PLA2G4A: variants seen among roughly 807,000 people sequenced by gnomAD.
PLA2G4A encodes phospholipase A2 group IVA, also known as cytosolic phospholipase A2.
A neutral mutation model predicts 81.9 loss-of-function variants in PLA2G4A; 40 were observed. The observed-to-expected ratio is 0.49, with a 90% CI of 0.38 to 0.64. The LOEUF (loss-of-function observed/expected upper bound fraction) is 0.64. Ranked by LOEUF, PLA2G4A falls within the 30% of genes least tolerant of loss-of-function variation. PLA2G4A has a pLI of 0.00. For synonymous variants in PLA2G4A, 302 were observed against 296.9 expected, an observed-to-expected ratio of 1.02 and a Z score of -0.18; for missense variants, 715 against 905.1, an observed-to-expected ratio of 0.79 and a Z score of 2.69.
intron 2 of PLA2G4A, among the ~76,000 whole-genome samples, chr1:186,865,459 A>G (rs191951748): frequency 6.6e-6 from 1 of 152,316 alleles, no homozygotes; most frequent in Admixed American, 6.5e-5. Flanking sequence ...GAAAATAAGT[A>G]TCTTACCAAA....
intron 3 of PLA2G4A, among the ~76,000 whole-genome samples, chr1:186,878,509 C>G (rs1003777604): frequency 6.6e-6 from 1 of 151,502 alleles, no homozygotes; most frequent in Non-Finnish European, 1.5e-5. Flanking sequence ...TCCCAATGGT[C>G]TTTTCATGGA....
intron 15 of PLA2G4A, among the ~76,000 whole-genome samples, chr1:186,977,300 T>G (rs889836694): frequency 2.3e-4 from 35 of 152,230 alleles, no homozygotes; most frequent in African/African-American, 7.0e-4. Flanking sequence ...ACCCATAATT[T>G]TTTTTCTCTA....
intron 1 of PLA2G4A, among the ~76,000 whole-genome samples, chr1:186,851,186 C>A (rs1202662530): frequency 6.6e-6 from 1 of 151,970 alleles, no homozygotes; most frequent in East Asian, 1.9e-4. Context: ...AAATAATTGG[C>A]TTTCCTTAAT....
intron 8 of PLA2G4A, 116 bp downstream of exon 8, chr1:186,933,015 A>G (rs529201170): frequency 1.3e-6 from 1 of 791,306 alleles, no homozygotes; most frequent in African/African-American, 1.7e-5. Flanking sequence ...TAAATTACTG[A>G]AACTTTCCAG....
intron 2 of PLA2G4A, among the ~76,000 whole-genome samples, chr1:186,867,545 T>C (rs1653076378): frequency 6.6e-6 from 1 of 152,196 alleles, no homozygotes; most frequent in South Asian, 2.1e-4. Context: ...TGTATTAATC[T>C]TATCTCCTGC....
intron 3 of PLA2G4A, among the ~76,000 whole-genome samples, chr1:186,875,810 C>CGAT (rs1226569732): frequency 2.0e-5 from 3 of 151,980 alleles, no homozygotes; most frequent in African/African-American, 7.2e-5. Flanking sequence ...GCTTTGGTTC[C>CGAT]GATGTGGCAT....
rs12720708 is a variant in PLA2G4A at position 186,988,943 on chromosome 1, A to G, written c.*435A>G. On this transcript the variant is annotated 3_prime_UTR_variant, in exon 18 of 18. Coordinates refer to ENST00000367466, the MANE Select transcript of PLA2G4A (RefSeq NM_024420.3). ...ACTATTTTTATTTATATATGCATATATATACATACATGAAATAAATACATC... is the reference window on the plus strand; with the variant it reads ...ACTATTTTTATTTATATATGCATATGTATACATACATGAAATAAATACATC... 0.011 allele frequency: 1,653 copies of G among 156,126 alleles called. 18 individuals are homozygous for G. The highest frequency in any genetic ancestry group is 0.016 in the Non-Finnish European group (1,117 of 70,098). 9.7% of individuals were successfully genotyped at this position (156,126 alleles called of 1,614,324 possible).
chr1:186,852,625 G>A (rs1652414302), intron 1 of PLA2G4A, among the ~76,000 whole-genome samples: 1 of 151,864 alleles, frequency 6.6e-6, no homozygotes, highest in South Asian at 2.1e-4. Flanking sequence ...AAGGCAAAAG[G>A]GCTAAGAGAG....
At chr1:186,912,891 G>A (rs1381327314) in intron 7 of PLA2G4A, among the ~76,000 whole-genome samples, 1 of 148,238 alleles carries the variant, frequency 6.7e-6, no homozygotes, top group African/African-American at 2.5e-5. Flanking sequence ...ATAAAGGAGT[G>A]TTGATTTTAT....
chr1:186,970,679 T>C (rs1295952172), intron 15 of PLA2G4A, among the ~76,000 whole-genome samples: 4 of 152,040 alleles, frequency 2.6e-5, no homozygotes, highest in African/African-American at 7.2e-5. Flanking sequence ...TTCTCCAGTA[T>C]ATATTCTGGG....
chr1:186,978,874 T>C (rs1292779707), intron 16 of PLA2G4A, among the ~76,000 whole-genome samples: 2 of 152,188 alleles, frequency 1.3e-5, no homozygotes, highest in African/African-American at 2.4e-5. Flanking sequence ...GCAAGCCGGC[T>C]ACCACAATGG....
At chr1:186,912,778 G>GTATATTTATATATACATATATATACATA (rs1655003859) in intron 7 of PLA2G4A, among the ~76,000 whole-genome samples, 3 of 113,614 alleles carry the variant, frequency 2.6e-5, no homozygotes, top group African/African-American at 1.4e-4. Context: ...ATATATATAT[G>GTATATTTATATATACATATATATACATA]TATACTTATA....
intron 3 of PLA2G4A, among the ~76,000 whole-genome samples, chr1:186,886,371 G>T (rs1403848503): frequency 6.6e-6 from 1 of 152,042 alleles, no homozygotes; most frequent in Non-Finnish European, 1.5e-5. Flanking sequence ...GGGTCTATTG[G>T]TTACACAGGG....
chr1:186,935,402 G>GT (rs1296513477), intron 8 of PLA2G4A, among the ~76,000 whole-genome samples: 1 of 56,140 alleles, frequency 1.8e-5, no homozygotes, highest in African/African-American at 7.1e-5. Flanking sequence ...CCAGGGAAGG[G>GT]TTTTTATTTT....
At chr1:186,833,538 G>T (rs1043062098) in intron 1 of PLA2G4A, among the ~76,000 whole-genome samples, 12 of 152,118 alleles carry the variant, frequency 7.9e-5, no homozygotes, top group Non-Finnish European at 1.5e-4. Flanking sequence ...GAACCAAAAG[G>T]TTGGTTCTGG....
At chr1:186,858,303 C>T (rs1297529973) in intron 2 of PLA2G4A, among the ~76,000 whole-genome samples, 1 of 152,170 alleles carries the variant, frequency 6.6e-6, no homozygotes, top group African/African-American at 2.4e-5. Context: ...GTCATTCTAA[C>T]TGGCGTGAGA....
intron 10 of PLA2G4A, among the ~76,000 whole-genome samples, chr1:186,943,570 A>G (rs576762651): frequency 4.3e-4 from 65 of 152,328 alleles, no homozygotes; most frequent in African/African-American, 1.5e-3. Flanking sequence ...GATGTCATAG[A>G]GATTTAGTAT....
chr1:186,892,763 G>A (rs929667302), intron 3 of PLA2G4A, among the ~76,000 whole-genome samples: 1 of 152,104 alleles, frequency 6.6e-6, no homozygotes, highest in African/African-American at 2.4e-5. Context: ...CTAGATAGAT[G>A]GAGGAATTCT....
At chr1:186,866,942 TG>T (rs1331900131) in intron 2 of PLA2G4A, among the ~76,000 whole-genome samples, 1 of 152,208 alleles carries the variant, frequency 6.6e-6, no homozygotes. Flanking sequence ...CAACATTTGT[TG>T]AAAAGACTAT....
Sources: allele counts gnomAD v4.1 joint callset (sites outside exome capture counted in the v4.1 genomes callset), GRCh38; gene constraint gnomAD v4.1.1; transcripts MANE v1.5; gene names NCBI Gene and HGNC (gene_info 2026-07-23, HGNC 2026-07-21).